The following CSMD1 variants were observed in gnomAD, a reference collection of about 807,000 sequenced individuals.
CSMD1 encodes the protein CUB and Sushi multiple domains 1, also known as CUB and sushi domain-containing protein 1.
A neutral mutation model predicts 417.5 loss-of-function variants in CSMD1; 213 were observed. The ratio of observed to expected loss-of-function variants is 0.51; its 90% CI spans 0.46 to 0.57. The LOEUF is 0.57. CSMD1 is among the 20% of genes least tolerant of loss of function. The pLI is 0.00. For missense variants in CSMD1, 6,923 were observed against 4,529.7 expected (o/e 1.53, Z -15.17); for synonymous variants, 2,862 against 1,736.8 (o/e 1.65, Z -16.11).
At chr8:4,741,392 C>T (rs776207889) in intron 1 of CSMD1, among the ~76,000 whole-genome samples, 20 of 152,074 alleles carry the variant, frequency 1.3e-4, no homozygotes, top group Non-Finnish European at 2.4e-4. Flanking sequence ...ATTATTCTTG[C>T]CACAAGATTA....
At chr8:4,800,938 G>A (rs367696146) in intron 1 of CSMD1, among the ~76,000 whole-genome samples, 1 of 152,166 alleles carries the variant, frequency 6.6e-6, no homozygotes, top group Non-Finnish European at 1.5e-5. Context: ...TAAATCTCCT[G>A]ATTGTTATTT....
chr8:4,851,685 C>G (rs1213653795), intron 1 of CSMD1, among the ~76,000 whole-genome samples: 3 of 152,124 alleles, frequency 2.0e-5, no homozygotes, highest in African/African-American at 7.2e-5. Flanking sequence ...CACTAAGAGT[C>G]CCATTGTGTG....
intron 3 of CSMD1, among the ~76,000 whole-genome samples, chr8:4,371,928 T>C (rs2128913325): frequency 6.6e-6 from 1 of 152,240 alleles, no homozygotes; most frequent in South Asian, 2.1e-4. Flanking sequence ...ACAAGAGTAA[T>C]GATGACGAAA....
At chr8:3,170,027 G>T (rs1050177690) in intron 37 of CSMD1, among the ~76,000 whole-genome samples, 1 of 152,212 alleles carries the variant, frequency 6.6e-6, no homozygotes, top group African/African-American at 2.4e-5. Context: ...CAGCCAATGG[G>T]GAAAGGACAC....
chr8:4,366,680 C>T (rs1022982977), intron 3 of CSMD1, among the ~76,000 whole-genome samples: 1 of 151,878 alleles, frequency 6.6e-6, no homozygotes, highest in African/African-American at 2.4e-5. Context: ...CTAATAGTTA[C>T]TGATGAGCGT....
intron 2 of CSMD1, among the ~76,000 whole-genome samples, chr8:4,560,077 G>A (rs1798262153): frequency 6.6e-6 from 1 of 152,246 alleles, no homozygotes; most frequent in Non-Finnish European, 1.5e-5. Context: ...CATATCCACA[G>A]AGGCCTCGTG....
intron 2 of CSMD1, among the ~76,000 whole-genome samples, chr8:4,484,644 T>A (rs889133375): frequency 6.6e-6 from 1 of 151,948 alleles, no homozygotes; most frequent in African/African-American, 2.4e-5. Context: ...AGACACATCT[T>A]CCTGCATGGT....
intron 55 of CSMD1, among the ~76,000 whole-genome samples, chr8:2,978,345 A>G (rs2128937406): frequency 6.6e-6 from 1 of 152,294 alleles, no homozygotes; most frequent in East Asian, 1.9e-4. Context: ...AAAAACAGAT[A>G]AAGGCATCAT....
At chr8:4,597,628 G>A (rs1204033931) in intron 2 of CSMD1, among the ~76,000 whole-genome samples, 2 of 152,182 alleles carry the variant, frequency 1.3e-5, no homozygotes, top group East Asian at 3.9e-4. Context: ...CCAAAATTAT[G>A]TACTTGAGAC....
chr8:3,143,595 T>C lies in CSMD1; in HGVS notation c.6032-921A>G, dbSNP rs566357960. 4.6e-5 allele frequency among the ~76,000 whole-genome samples: 7 copies of C among 152,328 alleles called. No homozygotes were observed. The East Asian group carries it at 9.7e-4, about 21-fold the overall frequency. ...TTCTAACTCATTTAAGCAATTTATA[T>C]AGAACTCCAAAGACATTAGTCTTTG... On this transcript the variant is annotated intron_variant, in intron 40 of 69. Coordinates refer to ENST00000635120, the MANE Select transcript of CSMD1 (RefSeq NM_033225.6).
At chr8:4,338,355 A>C (rs181181178) in intron 3 of CSMD1, among the ~76,000 whole-genome samples, 72 of 152,232 alleles carry the variant, frequency 4.7e-4, no homozygotes, top group Non-Finnish European at 9.4e-4. Context: ...CTCTTAAGGA[A>C]ACATACAAAA....
At chr8:3,848,686 T>G (rs1029969207) in intron 5 of CSMD1, among the ~76,000 whole-genome samples, 4 of 152,164 alleles carry the variant, frequency 2.6e-5, no homozygotes, top group Non-Finnish European at 5.9e-5. Flanking sequence ...ATTATGCTCC[T>G]TGCACCATCT....
intron 5 of CSMD1, among the ~76,000 whole-genome samples, chr8:3,789,659 G>T (rs925946030): frequency 6.7e-6 from 1 of 149,698 alleles, no homozygotes; most frequent in African/African-American, 2.5e-5. Flanking sequence ...ACCCAAAATT[G>T]CTTAATGAGA....
intron 1 of CSMD1, among the ~76,000 whole-genome samples, chr8:4,768,665 G>A (rs911023925): frequency 6.6e-6 from 1 of 152,164 alleles, no homozygotes; most frequent in African/African-American, 2.4e-5. Context: ...AATCACAGAT[G>A]GGAGGGAAAG....
chr8:4,083,429 G>C lies in CSMD1; in HGVS notation c.416-51330C>G, dbSNP rs1480485399. Among the ~76,000 whole-genome samples the C allele has an allele frequency of 2.6e-5, 4 of 152,082 alleles. No homozygotes were observed. The East Asian group carries it at 7.7e-4, about 29-fold the overall frequency. The stretch of plus-strand genomic sequence containing the variant: ...AAATGTCTTCCGCATCACGCCACCT[G>C]ACTTCAAACTATACTACAAGGCTAC... On this transcript the variant is annotated intron_variant, in intron 3 of 69. Transcript: ENST00000635120.
intron 3 of CSMD1, among the ~76,000 whole-genome samples, chr8:4,197,281 G>C (rs139626417): frequency 1.3e-5 from 2 of 152,194 alleles, no homozygotes; most frequent in Non-Finnish European, 2.9e-5. Flanking sequence ...AGAAGTATTA[G>C]GCATTAAGTA....
In CSMD1 at chr8:3,110,284, C is replaced by G; in HGVS notation, c.6482G>C (p.Gly2161Ala). The change falls in exon 43 of 70, where the codon GGC becomes GCC. Residue 2161 changes from glycine (G) to alanine (A), a missense_variant. Coordinates refer to ENST00000635120, the MANE Select transcript of CSMD1 (RefSeq NM_033225.6). ...TSQNGTIYSP[G>A]FPDEYPILKD... ...CAGGATCGGATACTCATCAGGAAAGCCAGGGGAGTAGATGGTGCCGTTCTG... is the reference window on the plus strand; with the variant it reads ...CAGGATCGGATACTCATCAGGAAAGGCAGGGGAGTAGATGGTGCCGTTCTG... 6.2e-7 allele frequency: 1 copy of G among 1,613,420 alleles called. No individual in the cohort carries two copies. The highest frequency in any genetic ancestry group is 8.5e-7 in the Non-Finnish European group (1 of 1,179,686).
At chr8:3,095,468 G>T (rs1438532459) in intron 47 of CSMD1, among the ~76,000 whole-genome samples, 1 of 152,076 alleles carries the variant, frequency 6.6e-6, no homozygotes, top group Non-Finnish European at 1.5e-5. Flanking sequence ...GCCATGCTCT[G>T]AAAATGAAAA....
chr8:4,160,626 C>G (rs1244723351), intron 3 of CSMD1, among the ~76,000 whole-genome samples: 2 of 152,222 alleles, frequency 1.3e-5, no homozygotes, highest in East Asian at 3.9e-4. Flanking sequence ...CACTTTCTTG[C>G]AGACACTCTG....
Sources: gnomAD v4.1 joint callset for allele counts (sites outside exome capture counted in the v4.1 genomes callset) on GRCh38, gnomAD v4.1.1 for gene constraint, MANE v1.5 for transcripts, NCBI Gene and HGNC (gene_info 2026-07-23, HGNC 2026-07-21) for gene names.